Variants in TMEM97 observed in about 807,000 individuals in gnomAD.
The protein encoded by TMEM97 is transmembrane protein 97.
Under a neutral mutation model 18.3 loss-of-function variants are expected in TMEM97, and 13 were observed. The ratio of observed to expected loss-of-function variants is 0.71; its 90% CI spans 0.46 to 1.13. TMEM97 has a LOEUF of 1.13. TMEM97 is among the 50% of genes most tolerant of loss of function. The pLI is 0.00. For synonymous variants in TMEM97, 76 were observed against 85.3 expected (o/e 0.89, Z 0.60); for missense variants, 205 against 210.5 (o/e 0.97, Z 0.16).
At position 28,328,587 on chromosome 17, in the gene TMEM97, G is replaced by T. The variant is rs1906485192; in HGVS notation, c.*1794G>T. ...GTCAAGCCGCTGGAATGCTACAGAGGTTTTTTTGGTTTTGAGAGGCTTTTT... is the reference window on the plus strand; with the variant it reads ...GTCAAGCCGCTGGAATGCTACAGAGTTTTTTTTGGTTTTGAGAGGCTTTTT... On this transcript the variant is annotated 3_prime_UTR_variant, in exon 3 of 3. Coordinates refer to ENST00000226230, the MANE Select transcript of TMEM97 (RefSeq NM_014573.3). 2.9e-6 allele frequency: 3 copies of T among 1,021,326 alleles called. No individual in the cohort carries two copies. Among genetic ancestry groups the T allele is most frequent in the Non-Finnish European group, 4.5e-6 (3 of 673,630 alleles). The allele number at this position is 1,021,326 out of a possible 1,614,324, so 63.3% of individuals were successfully genotyped here. A position where few individuals can be genotyped will look rare whatever the true frequency, so the allele number is the denominator to read the frequency against.
intron 1 of TMEM97, among the ~76,000 whole-genome samples, chr17:28,322,556 T>A (rs1251194304): frequency 6.6e-6 from 1 of 152,194 alleles, no homozygotes; most frequent in African/African-American, 2.4e-5. Flanking sequence ...GAAAAACTCT[T>A]ATTTTATTAT....
rs1555575690 is a variant in TMEM97, at chr17:28,327,373, G to T, written c.*580G>T. 6.5e-6 allele frequency: 1 copy of T among 153,668 alleles called. No individual in the cohort carries two copies. Among genetic ancestry groups the T allele is most frequent in the Non-Finnish European group, 1.4e-5 (1 of 69,074 alleles). 9.5% of individuals were successfully genotyped at this position (153,668 alleles called of 1,614,324 possible). A position where few individuals can be genotyped will look rare whatever the true frequency, so the allele number is the denominator to read the frequency against. ...TATAAGGAAGTGGTACCAAATAACTGTGTGCCTGAGTTCCACCGCAAGATT... is the reference window on the plus strand; with the variant it reads ...TATAAGGAAGTGGTACCAAATAACTTTGTGCCTGAGTTCCACCGCAAGATT... On this transcript the variant is annotated 3_prime_UTR_variant, in exon 3 of 3. Coordinates refer to ENST00000226230, the MANE Select transcript of TMEM97 (RefSeq NM_014573.3).
At chr17:28,319,411 G>C (rs782415649) in intron 1 of TMEM97, 46 bp downstream of exon 1, 2 of 1,521,260 alleles carry the variant, frequency 1.3e-6, no homozygotes, top group African/African-American at 1.4e-5. Context: ...CTCTCCCGGC[G>C]CTGCGTCCAC....
At chr17:28,325,380 C>T (rs782098283) in intron 1 of TMEM97, 123 bp from the exon 2 acceptor site, 9 of 1,286,110 alleles carry the variant, frequency 7.0e-6, no homozygotes, top group Non-Finnish European at 9.6e-6. Flanking sequence ...ATGCCATCTG[C>T]TGCCGGGGTA....
chr17:28,328,525 A>G lies in TMEM97; in HGVS notation c.*1732A>G, dbSNP rs1906478347. On this transcript the variant is annotated 3_prime_UTR_variant, in exon 3 of 3. Coordinates refer to ENST00000226230, the MANE Select transcript of TMEM97 (RefSeq NM_014573.3). Reference sequence around the variant, plus strand: ...TGTAGTGCTGTCTTCAGGGGGCTGCATTCCTTACACGCCACCTCTTGTGAC... The same window carrying G: ...TGTAGTGCTGTCTTCAGGGGGCTGCGTTCCTTACACGCCACCTCTTGTGAC... 1 of 685,394 alleles carries G rather than the reference A, an allele frequency of 1.5e-6. No individual in the cohort carries two copies. Among genetic ancestry groups the G allele is most frequent in the Non-Finnish European group, 2.6e-6 (1 of 385,154 alleles). The allele number at this position is 685,394 out of a possible 1,614,324, so 42.5% of individuals were successfully genotyped here.
At chr17:28,322,756 A>G (rs1306091870) in intron 1 of TMEM97, among the ~76,000 whole-genome samples, 1 of 152,146 alleles carries the variant, frequency 6.6e-6, no homozygotes, top group Non-Finnish European at 1.5e-5. Context: ...AGTAGCAACC[A>G]CTGGTTTAGA....
chr17:28,326,966 T>TA lies in TMEM97; in HGVS notation c.*173_*174insA. 1.8e-6 allele frequency: 1 copy of TA among 546,746 alleles called. No homozygotes were observed. The highest frequency in any genetic ancestry group is 4.2e-5 in the East Asian group (1 of 24,002). 33.9% of individuals were successfully genotyped at this position (546,746 alleles called of 1,614,324 possible). A position where few individuals can be genotyped will look rare whatever the true frequency, so the allele number is the denominator to read the frequency against. ...ATGTCAAACCCTCACCTTCTTCCAT[T>TA]TTTTTTTTTTTTTTAAGACAGTCTC... is the stretch of plus-strand genomic sequence containing the variant. On this transcript the variant is annotated 3_prime_UTR_variant, in exon 3 of 3. Transcript: ENST00000226230.
intron 1 of TMEM97, among the ~76,000 whole-genome samples, chr17:28,320,844 G>T (rs1026774205): frequency 6.6e-6 from 1 of 152,034 alleles, no homozygotes; most frequent in African/African-American, 2.4e-5. Flanking sequence ...TCTCTGCTTC[G>T]GGTCATCACA....
At position 28,328,582 on chromosome 17, in the gene TMEM97, CAG is replaced by C; in HGVS notation, c.*1792_*1793del. On this transcript the variant is annotated 3_prime_UTR_variant, in exon 3 of 3. Coordinates refer to ENST00000226230, the MANE Select transcript of TMEM97 (RefSeq NM_014573.3). ...CATTGGTCAAGCCGCTGGAATGCTA[CAG>C]AGGTTTTTTTGGTTTTGAGAGGCTT... 1 of 947,038 alleles carries C rather than the reference CAG, an allele frequency of 1.1e-6. No individual in the cohort carries two copies. The highest frequency in any genetic ancestry group is 1.6e-6 in the Non-Finnish European group (1 of 607,946). 58.7% of individuals were successfully genotyped at this position (947,038 alleles called of 1,614,324 possible).
At chr17:28,326,471 G>T (rs1253871056) in intron 2 of TMEM97, 63 bp from the exon 3 acceptor site, 1 of 1,555,268 alleles carries the variant, frequency 6.4e-7, no homozygotes, top group Non-Finnish European at 8.7e-7. Context: ...CAGTGGGAAG[G>T]TCATGGACAC....
In TMEM97 at chr17:28,327,509, A is replaced by G. The variant is rs1555575729; in HGVS notation, c.*716A>G. The G allele has an allele frequency of 6.6e-6, 1 of 152,234 alleles. No individual in the cohort carries two copies. Among genetic ancestry groups the G allele is most frequent in the African/African-American group, 2.4e-5 (1 of 41,456 alleles). 9.4% of individuals were successfully genotyped at this position (152,234 alleles called of 1,614,324 possible). A position where few individuals can be genotyped will look rare whatever the true frequency, so the allele number is the denominator to read the frequency against. On this transcript the variant is annotated 3_prime_UTR_variant, in exon 3 of 3. Transcript: ENST00000226230. ...CTTATGACTAAACCCTCCACTCCTG[A>G]TTCTCAAGAGTGTATCACCTGTCAG...
rs782494950 is a variant in TMEM97 at position 28,325,569 on chromosome 17, T to C, written c.193T>C (p.Trp65Arg). Reference protein sequence around the residue: ...KDPLLQEPPAWFKSFLFCELV... With the variant: ...KDPLLQEPPARFKSFLFCELV... ...CCCACTGCTACAGGAGCCCCCAGCC[T>C]GGTTTAAGTCCTTTCTGTTTTGCGA... Residue 65 changes from tryptophan (W) to arginine (R), a missense_variant, in exon 2 of 3, where the codon TGG becomes CGG. Physicochemically the swap from Trp to Arg is moderately radical, Grantham distance 101. Transcript: ENST00000226230. The C allele has an allele frequency of 6.2e-7, 1 of 1,614,246 alleles. No individual in the cohort carries two copies. The highest frequency in any genetic ancestry group is 8.5e-7 in the Non-Finnish European group (1 of 1,180,040).
intron 1 of TMEM97, 178 bp downstream of exon 1, chr17:28,319,543 T>C: frequency 1.4e-6 from 1 of 717,328 alleles, no homozygotes; most frequent in East Asian, 3.4e-5. Flanking sequence ...GCTTTGTCTC[T>C]ATCCCAGCCC....
At chr17:28,325,691 G>C in intron 2 of TMEM97, 44 bp downstream of exon 2, 1 of 1,612,108 alleles carries the variant, frequency 6.2e-7, no homozygotes, top group Non-Finnish European at 8.5e-7. Context: ...CAGAAATCAG[G>C]TCCCAGAAAT....
rs991812231 is a variant in TMEM97, at chr17:28,319,472, C to T, written c.126+107C>T. ...CGCACTCTGGGTTCCAGTTGCCTCT[C>T]TCGGGTCCTGCCCATGCCTCCCCCG... is the stretch of plus-strand genomic sequence containing the variant. On this transcript the variant is annotated intron_variant, in intron 1 of 2. Transcript: ENST00000226230. 4.4e-6 allele frequency: 6 copies of T among 1,353,938 alleles called. No individual in the cohort carries two copies. The African/African-American group carries it at 6.1e-5, about 14-fold the overall frequency. The allele number at this position is 1,353,938 out of a possible 1,614,324, so 83.9% of individuals were successfully genotyped here.
chr17:28,320,679 G>T (rs1305473976), intron 1 of TMEM97, among the ~76,000 whole-genome samples: 2 of 152,224 alleles, frequency 1.3e-5, no homozygotes, highest in African/African-American at 4.8e-5. Flanking sequence ...TTTGTTTACA[G>T]TTCTGGAGGC....
intron 1 of TMEM97, among the ~76,000 whole-genome samples, chr17:28,320,046 C>G (rs573752763): frequency 9.9e-5 from 15 of 152,184 alleles, no homozygotes; most frequent in African/African-American, 3.6e-4. Flanking sequence ...TTTTTTTCTT[C>G]AAAGCTATAG....
At chr17:28,325,787 G>A in intron 2 of TMEM97, 140 bp downstream of exon 2, 1 of 1,190,984 alleles carries the variant, frequency 8.4e-7, no homozygotes, top group East Asian at 2.4e-5. Flanking sequence ...AATAGCCAGG[G>A]TAGATCTTGT....
chr17:28,323,424 CTT>C (rs1326739068), intron 1 of TMEM97, among the ~76,000 whole-genome samples: 1 of 142,216 alleles, frequency 7.0e-6, no homozygotes. Flanking sequence ...GCCAGAATGC[CTT>C]TTTTTTTTTT....
Sources: gnomAD v4.1 joint callset for allele counts (sites outside exome capture counted in the v4.1 genomes callset) on GRCh38, gnomAD v4.1.1 for gene constraint, MANE v1.5 for transcripts, NCBI Gene and HGNC (gene_info 2026-07-23, HGNC 2026-07-21) for gene names.